Variants in ATE1 observed in about 807,000 individuals in gnomAD.
The protein encoded by ATE1 is arginyl-tRNA--protein transferase 1.
ATE1 carries 36 observed loss-of-function variants against 70.5 expected under a neutral mutation model. That is an observed-to-expected ratio of 0.51 (90% confidence interval 0.39 to 0.67). The LOEUF (loss-of-function observed/expected upper bound fraction) is 0.67, where lower values mean the gene tolerates loss of function less well. Ranked by LOEUF, ATE1 falls within the 30% of genes least tolerant of loss-of-function variation. The pLI is 0.00. For synonymous variants in ATE1, 232 were observed against 219.3 expected (o/e 1.06, Z -0.51); for missense variants, 593 against 629.5 (o/e 0.94, Z 0.62).
intron 7 of ATE1, among the ~76,000 whole-genome samples, chr10:121,870,713 T>A (rs1949824644): frequency 6.6e-6 from 1 of 152,188 alleles, no homozygotes; most frequent in South Asian, 2.1e-4. Context: ...TGAAACTAAA[T>A]GCTATATGAT....
intron 7 of ATE1, among the ~76,000 whole-genome samples, chr10:121,890,963 T>G (rs1950559016): frequency 6.6e-6 from 1 of 152,180 alleles, no homozygotes. Context: ...CTATTTGCAA[T>G]TATGTGCTAC....
intron 8 of ATE1, among the ~76,000 whole-genome samples, chr10:121,868,151 A>T (rs987492389): frequency 6.6e-6 from 1 of 152,252 alleles, no homozygotes; most frequent in African/African-American, 2.4e-5. Context: ...AAAAAATTAT[A>T]GATCACTGTC....
chr10:121,890,653 A>T (rs909456790), intron 7 of ATE1, among the ~76,000 whole-genome samples: 5 of 152,210 alleles, frequency 3.3e-5, no homozygotes, highest in African/African-American at 1.2e-4. Context: ...AAGAGATGAG[A>T]GGTCAACTCT....
At chr10:121,821,336 C>A (rs968203054) in intron 10 of ATE1, among the ~76,000 whole-genome samples, 1 of 152,050 alleles carries the variant, frequency 6.6e-6, no homozygotes, top group Non-Finnish European at 1.5e-5. Flanking sequence ...ATAAGGTGGA[C>A]ACATTAAAAT....
At chr10:121,769,497 G>A (rs1301268157) in intron 11 of ATE1, among the ~76,000 whole-genome samples, 1 of 152,134 alleles carries the variant, frequency 6.6e-6, no homozygotes, top group Admixed American at 6.5e-5. Flanking sequence ...TTAGTGAAGA[G>A]TTCTTAGACA....
intron 7 of ATE1, among the ~76,000 whole-genome samples, chr10:121,880,227 T>C (rs1950184317): frequency 6.6e-6 from 1 of 152,204 alleles, no homozygotes; most frequent in African/African-American, 2.4e-5. Flanking sequence ...CCAGACCAAC[T>C]AATGTAAAGC....
intron 3 of ATE1, among the ~76,000 whole-genome samples, chr10:121,914,540 C>T (rs1951566775): frequency 6.6e-6 from 1 of 151,196 alleles, no homozygotes; most frequent in Admixed American, 6.6e-5. Flanking sequence ...CTCTATATTA[C>T]CCTTAAAAGT....
chr10:121,767,886 G>C (rs1428531549), intron 11 of ATE1, among the ~76,000 whole-genome samples: 1 of 152,120 alleles, frequency 6.6e-6, no homozygotes, highest in Non-Finnish European at 1.5e-5. Context: ...ATATACAAAA[G>C]AAATCAAAGC....
intron 10 of ATE1, among the ~76,000 whole-genome samples, chr10:121,821,132 G>C (rs1947779367): frequency 1.3e-5 from 2 of 152,126 alleles, no homozygotes; most frequent in South Asian, 4.1e-4. Context: ...CGTTAGTAGA[G>C]ACGGGGTTTC....
chr10:121,834,680 A>G (rs764668662), intron 10 of ATE1, among the ~76,000 whole-genome samples: 1 of 152,168 alleles, frequency 6.6e-6, no homozygotes, highest in Non-Finnish European at 1.5e-5. Context: ...AAGGATGATG[A>G]AACTATATTC....
chr10:121,746,845 A>G (rs1421895610), intron 11 of ATE1, among the ~76,000 whole-genome samples: 1 of 152,208 alleles, frequency 6.6e-6, no homozygotes, highest in Non-Finnish European at 1.5e-5. Flanking sequence ...TCCAAGCTCA[A>G]TTTCAAAAGT....
At chr10:121,851,163 G>A (rs975157258) in intron 8 of ATE1, among the ~76,000 whole-genome samples, 17 of 139,098 alleles carry the variant, frequency 1.2e-4, no homozygotes, top group Non-Finnish European at 6.1e-5. Context: ...GCTCACAGCT[G>A]TAATCTCTGC....
intron 5 of ATE1, among the ~76,000 whole-genome samples, chr10:121,905,201 G>A (rs1277371855): frequency 6.6e-6 from 1 of 152,138 alleles, no homozygotes; most frequent in Admixed American, 6.5e-5. Flanking sequence ...GTTAATACCT[G>A]TGCAGCTCAT....
chr10:121,907,546 G>A (rs749955276), intron 5 of ATE1, among the ~76,000 whole-genome samples: 4 of 152,034 alleles, frequency 2.6e-5, no homozygotes, highest in East Asian at 1.9e-4. Flanking sequence ...AGGCCGAGGC[G>A]GATGGATCAC....
At chr10:121,924,918 G>T (rs553310184) in intron 1 of ATE1, among the ~76,000 whole-genome samples, 2 of 152,190 alleles carry the variant, frequency 1.3e-5, no homozygotes, top group East Asian at 3.9e-4. Context: ...ATAAATTTAA[G>T]TCCTCACTGC....
At chr10:121,882,771 A>C (rs1950266951) in intron 7 of ATE1, among the ~76,000 whole-genome samples, 1 of 152,232 alleles carries the variant, frequency 6.6e-6, no homozygotes, top group Non-Finnish European at 1.5e-5. Context: ...CTCAGGCAGG[A>C]GGTTAATCAA....
intron 8 of ATE1, among the ~76,000 whole-genome samples, chr10:121,845,714 G>C (rs990526613): frequency 5.9e-5 from 9 of 152,182 alleles, no homozygotes; most frequent in Non-Finnish European, 1.0e-4. Flanking sequence ...CAGACAGTAA[G>C]AATCAGGTTT....
At chr10:121,896,160 T>C (rs1211145102) in intron 7 of ATE1, among the ~76,000 whole-genome samples, 1 of 152,194 alleles carries the variant, frequency 6.6e-6, no homozygotes, top group Non-Finnish European at 1.5e-5. Flanking sequence ...TCCTGTGAAC[T>C]GGTCAGTAGA....
chr10:121,908,258 C>G (rs1378887177), intron 5 of ATE1, among the ~76,000 whole-genome samples: 3 of 152,212 alleles, frequency 2.0e-5, no homozygotes, highest in Non-Finnish European at 4.4e-5. Context: ...AATCCCAGTA[C>G]TTTGGGAGGC....
Sources: allele counts gnomAD v4.1 joint callset (sites outside exome capture counted in the v4.1 genomes callset), GRCh38; gene constraint gnomAD v4.1.1; transcripts MANE v1.5; gene names NCBI Gene and HGNC (gene_info 2026-07-23, HGNC 2026-07-21).